Variants in MTIF2 observed in about 807,000 individuals in gnomAD.
MTIF2 encodes mitochondrial translational initiation factor 2.
In MTIF2, 71 loss-of-function variants were observed where a neutral mutation model predicts 83.5. The ratio of observed to expected loss-of-function variants is 0.85; its 90% CI spans 0.70 to 1.04. The LOEUF (loss-of-function observed/expected upper bound fraction) is 1.04. Ranked by LOEUF, MTIF2 falls within the 50% of genes least tolerant of loss-of-function variation. MTIF2 has a pLI of 0.00. For synonymous variants in MTIF2, 319 were observed against 287.1 expected (o/e 1.11, Z -1.12); for missense variants, 957 against 846.5 (o/e 1.13, Z -1.62).
In MTIF2 at chr2:55,254,088, G is replaced by A. The variant is rs763154599; in HGVS notation, c.617C>T (p.Ala206Val). 9.3e-6 allele frequency: 15 copies of A among 1,614,058 alleles called. No homozygotes were observed. In the African/African-American group the frequency reaches 1.7e-4, roughly 19 times the overall value. The stretch of plus-strand genomic sequence containing the variant: ...AGTGATGCCTCCAGTTTCCACTGCT[G>A]CCACTTGAGTTTTTCGAAATTTGTC... ...LLDKFRKTQV[A>V]AVETGGITQH... is the part of the protein sequence containing the mutation. Residue 206 changes from alanine (A) to valine (V), a missense_variant, in exon 7 of 16, where the codon GCA (alanine) becomes GTA (valine). Ala to Val is a moderately conservative substitution (Grantham distance 64). Transcript: ENST00000263629.
At chr2:55,257,213 C>T (rs1018279077) in intron 5 of MTIF2, among the ~76,000 whole-genome samples, 1 of 152,142 alleles carries the variant, frequency 6.6e-6, no homozygotes, top group Admixed American at 6.5e-5. Context: ...GGTGCGGTGG[C>T]TCACACCTAT....
At chr2:55,254,426 T>C (rs892369191) in intron 6 of MTIF2, among the ~76,000 whole-genome samples, 4 of 152,174 alleles carry the variant, frequency 2.6e-5, no homozygotes, top group African/African-American at 4.8e-5. Flanking sequence ...TGAATCAAAT[T>C]TGAAAATTCA....
intron 5 of MTIF2, among the ~76,000 whole-genome samples, chr2:55,256,327 C>A (rs376707638): frequency 4.0e-5 from 5 of 124,440 alleles, no homozygotes; most frequent in African/African-American, 1.6e-4. Flanking sequence ...CACACACACA[C>A]AATATATATC....
Position 55,237,313 on chromosome 2 carries a change from G to T in MTIF2, c.1986C>A (p.Thr662=). The T allele has an allele frequency of 2.5e-6, 4 of 1,612,630 alleles. No homozygotes were observed. The highest frequency in any genetic ancestry group is 2.5e-6 in the Non-Finnish European group (3 of 1,179,796). ...CCTTCCAAATTACATGTCCATTACG[G>T]GTTAGTTTAAATTTTTTTTGTTTTT... The part of the protein sequence containing the change: ...QLEKQKKFKL[T]RNGHVIWKGS... The change falls in exon 15 of 16, where the codon ACC becomes ACA. Residue 662 remains threonine, a synonymous_variant. Transcript: ENST00000263629.
At position 55,237,164 on chromosome 2, in the gene MTIF2, AG is replaced by A. The variant is rs889182537; in HGVS notation, c.2011+123del. The A allele has an allele frequency of 3.1e-5, 35 of 1,118,730 alleles. No individual in the cohort carries two copies. In the African/African-American group the frequency reaches 4.9e-4, roughly 16 times the overall value. 69.3% of individuals were successfully genotyped at this position (1,118,730 alleles called of 1,614,324 possible). A position where few individuals can be genotyped will look rare whatever the true frequency, so the allele number is the denominator to read the frequency against. ...CTACAGACAATTTAGGGGTTTCAAT[AG>A]CAATAAGAAATGGCCTGAGCTGAGA... is the stretch of plus-strand genomic sequence containing the variant. On this transcript the variant is annotated intron_variant, in intron 15 of 15. Coordinates refer to ENST00000263629, the MANE Select transcript of MTIF2 (RefSeq NM_002453.3).
chr2:55,241,255 T>C (rs1009528004), intron 13 of MTIF2, among the ~76,000 whole-genome samples: 10 of 151,026 alleles, frequency 6.6e-5, no homozygotes, highest in African/African-American at 2.4e-4. Flanking sequence ...CTGTCTCTAC[T>C]AAAAATACAA....
chr2:55,254,870 CT>C (rs779478597), intron 5 of MTIF2, 45 bp from the exon 6 acceptor site: 1 of 1,227,264 alleles, frequency 8.1e-7, no homozygotes, highest in African/African-American at 1.6e-5. Context: ...TAATTAAATG[CT>C]CAAGAAGTAA....
At chr2:55,247,186 A>G (rs1676760911) in intron 9 of MTIF2, among the ~76,000 whole-genome samples, 1 of 152,196 alleles carries the variant, frequency 6.6e-6, no homozygotes, top group Non-Finnish European at 1.5e-5. Flanking sequence ...GGTGATGGAA[A>G]TGGAACTGAT....
At chr2:55,244,343 T>G in intron 10 of MTIF2, 110 bp from the exon 11 acceptor site, 2 of 820,190 alleles carry the variant, frequency 2.4e-6, no homozygotes, top group Non-Finnish European at 3.8e-6. Flanking sequence ...CAAGATTAAT[T>G]CCACCACTTC....
intron 13 of MTIF2, among the ~76,000 whole-genome samples, chr2:55,241,786 T>G (rs1323080252): frequency 6.6e-6 from 1 of 151,480 alleles, no homozygotes; most frequent in Non-Finnish European, 1.5e-5. Context: ...GAGGTGGCAA[T>G]GAGCCAAGAT....
intron 14 of MTIF2, among the ~76,000 whole-genome samples, chr2:55,239,245 G>C (rs371337267): frequency 1.3e-5 from 2 of 152,114 alleles, no homozygotes; most frequent in African/African-American, 2.4e-5. Context: ...AGTTTGATTA[G>C]TTCTGTAGTT....
intron 5 of MTIF2, among the ~76,000 whole-genome samples, chr2:55,255,496 T>TTATA (rs150851589): frequency 6.9e-6 from 1 of 145,688 alleles, no homozygotes; most frequent in Admixed American, 7.0e-5. Flanking sequence ...AATACATATA[T>TTATA]TATATATATA....
In MTIF2 at chr2:55,254,700, T is replaced by A; in HGVS notation, c.457A>T (p.Lys153Ter). Residue 153 changes from lysine (K) to a stop codon, truncating the protein, a stop_gained, in exon 6 of 16, where the codon AAA (lysine) becomes TAA (stop). Coordinates refer to ENST00000263629, the MANE Select transcript of MTIF2 (RefSeq NM_002453.3). LOFTEE classifies it high-confidence loss of function. ...TKAGMKLKWSKLKQDKVRKNK... is the reference protein window; with the variant it reads ...TKAGMKLKWS ...TTTCTGACTTTGTCCTGTTTTAATT[T>A]ACTCCACTTTAACTTCATCCCTGCC... 4 of 1,609,108 alleles carry A rather than the reference T, an allele frequency of 2.5e-6. No homozygotes were observed. Among genetic ancestry groups the A allele is most frequent in the Non-Finnish European group, 2.5e-6 (3 of 1,178,104 alleles).
rs775700001 is a variant in MTIF2 at position 55,263,884 on chromosome 2, T to C, written c.-7-19A>G. ...GTTTCTCCTGGGGAAAAAAAAAAGG[T>C]TTTAAAATAATATTCAAATCAAGTT... On this transcript the variant is annotated intron_variant, in intron 3 of 15. Transcript: ENST00000263629. 1.9e-6 allele frequency: 3 copies of C among 1,541,076 alleles called. No individual in the cohort carries two copies. The highest frequency in any genetic ancestry group is 2.7e-6 in the Non-Finnish European group (3 of 1,121,842).
chr2:55,240,656 G>A (rs1022172703), intron 13 of MTIF2, among the ~76,000 whole-genome samples: 5 of 152,070 alleles, frequency 3.3e-5, no homozygotes, highest in African/African-American at 1.2e-4. Flanking sequence ...TTTTCCAATT[G>A]ATGAAAGAAT....
chr2:55,257,186 A>G (rs934525677), intron 5 of MTIF2, among the ~76,000 whole-genome samples: 2 of 152,212 alleles, frequency 1.3e-5, no homozygotes, highest in African/African-American at 4.8e-5. Context: ...AAGAGTAGAT[A>G]TGAAAGAAGG....
Position 55,254,175 on chromosome 2 carries a change from G to A in MTIF2, c.530C>T (p.Thr177Ile), listed in dbSNP as rs374450362. 29 of 1,613,896 alleles carry A rather than the reference G, an allele frequency of 1.8e-5. No individual in the cohort carries two copies. The highest frequency in any genetic ancestry group is 1.7e-5 in the Non-Finnish European group (20 of 1,179,976). ...TATAGTAACAACTGGGGACCTTGGG[G>A]TTAATAAAGCTGGATCTGCCTGGGG... ...RRPQADPALL[T>I]PRSPVVTIMG... Residue 177 changes from threonine to isoleucine, a missense_variant, in exon 7 of 16, where the codon ACC becomes ATC. Physicochemically the swap from Thr to Ile is moderately conservative, Grantham distance 89. Around this residue, in one of 3 missense-constraint regions of MTIF2, gnomAD observed 733 missense variants for 648.7 expected, o/e 1.13. Coordinates refer to ENST00000263629, the MANE Select transcript of MTIF2 (RefSeq NM_002453.3).
intron 13 of MTIF2, 106 bp from the exon 14 acceptor site, chr2:55,240,281 T>C: frequency 8.9e-7 from 1 of 1,126,370 alleles, no homozygotes; most frequent in Non-Finnish European, 1.2e-6. Context: ...ATTTTCTAAA[T>C]TAAAATAGCA....
intron 10 of MTIF2, 94 bp downstream of exon 10, chr2:55,246,243 A>G: frequency 7.9e-7 from 1 of 1,270,760 alleles, no homozygotes; most frequent in African/African-American, 1.7e-5. Flanking sequence ...TCATGAACTA[A>G]CAATAACATG....
Sources: allele counts gnomAD v4.1 joint callset (sites outside exome capture counted in the v4.1 genomes callset), GRCh38; gene constraint gnomAD v4.1.1; regional missense constraint gnomAD v4.1.1; transcripts MANE v1.5; gene names NCBI Gene and HGNC (gene_info 2026-07-23, HGNC 2026-07-21).